APOD: variants seen among roughly 807,000 people sequenced by gnomAD.
APOD encodes the protein apo-D.
In APOD, 22 loss-of-function variants were observed where a neutral mutation model predicts 20.4. The ratio of observed to expected loss-of-function variants is 1.08; its 90% CI spans 0.77 to 1.54. APOD has a LOEUF of 1.54. Among genes scored for constraint, APOD ranks in the 40% most tolerant of loss-of-function variants. The pLI is 0.00. For synonymous variants in APOD, 97 were observed against 92.4 expected (o/e 1.05, Z -0.29); for missense variants, 223 against 229.6 (o/e 0.97, Z 0.19).
rs554960514 is a variant in APOD, at chr3:195,568,832, G to T, written c.*68C>A. ...TCGTGGTTGATTGGTTTGTCTTTAT[G>T]GGGGGGGGGTAGGGGAAAGCGAAGC... On this transcript the variant is annotated 3_prime_UTR_variant, in exon 5 of 5. Transcript: ENST00000343267. The T allele has an allele frequency of 1.6e-5, 14 of 879,726 alleles. No individual in the cohort carries two copies. Among genetic ancestry groups the T allele is most frequent in the South Asian group, 6.2e-5 (4 of 64,498 alleles). 54.5% of individuals were successfully genotyped at this position (879,726 alleles called of 1,614,324 possible).
chr3:195,571,215 C>T (rs756776458), intron 4 of APOD, 62 bp downstream of exon 4: 33 of 1,413,628 alleles, frequency 2.3e-5, no homozygotes, highest in Non-Finnish European at 3.1e-5. Context: ...CAAGCCGGGG[C>T]GCTAGCCTTC....
At chr3:195,573,047 C>G (rs1720192826) in intron 3 of APOD, among the ~76,000 whole-genome samples, 1 of 152,188 alleles carries the variant, frequency 6.6e-6, no homozygotes, top group Non-Finnish European at 1.5e-5. Flanking sequence ...TCTCAGACAG[C>G]TGGGGAAGAT....
intron 3 of APOD, among the ~76,000 whole-genome samples, chr3:195,572,390 A>C (rs1294153540): frequency 6.6e-6 from 1 of 152,252 alleles, no homozygotes; most frequent in Admixed American, 6.5e-5. Context: ...GAAGAAATGC[A>C]TATCTCACAA....
rs759829230 is a variant in APOD, at chr3:195,579,345, C to G, written c.117G>C (p.Val39=). The change falls in exon 2 of 5, where the codon GTG becomes GTC. Residue 39 remains valine (V), a synonymous_variant. Coordinates refer to ENST00000343267, the MANE Select transcript of APOD (RefSeq NM_001647.4). ...CGGGAGGTTCGCCTTTTACCTTATT[C>G]ACGTCAAAATTCTCCTGCACCGGAG... ...PNPPVQENFD[V]NKYLGRWYEI... is the part of the protein sequence containing the mutation. The G allele has an allele frequency of 1.2e-6, 2 of 1,614,218 alleles. No homozygotes were observed. Among genetic ancestry groups the G allele is most frequent in the Non-Finnish European group, 8.5e-7 (1 of 1,180,034 alleles).
At chr3:195,583,015 C>T (rs1018033241) in intron 1 of APOD, 1 of 152,136 alleles carries the variant, frequency 6.6e-6, no homozygotes, top group African/African-American at 2.4e-5. Context: ...AGTGCATCCA[C>T]CTTGGGCCTG....
chr3:195,571,305 AG>A lies in APOD; in HGVS notation c.305del (p.Pro102LeufsTer62). On this transcript the variant is annotated frameshift_variant, in exon 4 of 5. Coordinates refer to ENST00000343267, the MANE Select transcript of APOD (RefSeq NM_001647.4). LOFTEE classifies it high-confidence loss of function. ...AGGAAAACTTAACTTCCAGCTTGGC[AG>A]GCTCTGTGAGGTTAACTGGGGTGGC... ...GEATPVNLTE[P>X]AKLEVKFSWF... The A allele has an allele frequency of 6.2e-7, 1 of 1,613,936 alleles. No homozygotes were observed. Among genetic ancestry groups the A allele is most frequent in the South Asian group, 1.1e-5 (1 of 91,064 alleles).
intron 4 of APOD, among the ~76,000 whole-genome samples, chr3:195,570,326 A>G (rs1056188861): frequency 6.6e-6 from 1 of 152,198 alleles, no homozygotes; most frequent in Non-Finnish European, 1.5e-5. Context: ...AAAAATAACA[A>G]GAGAAACTGT....
In APOD at chr3:195,578,033, G is replaced by A. The variant is rs570616766; in HGVS notation, c.123+1306C>T. ...TACTAACAACAATGGAAAGTGAAAA[G>A]CTACTTTAAACAAGTGAATTACGTG... On this transcript the variant is annotated intron_variant, in intron 2 of 4. Transcript: ENST00000343267. Among the ~76,000 whole-genome samples, 5 of 152,282 alleles carry A rather than the reference G, an allele frequency of 3.3e-5. No homozygotes were observed. The South Asian group carries it at 1.0e-3, about 32-fold the overall frequency.
At position 195,568,717 on chromosome 3, in the gene APOD, G is replaced by T; in HGVS notation, c.*183C>A. 1 of 602,634 alleles carries T rather than the reference G, an allele frequency of 1.7e-6. No homozygotes were observed. The highest frequency in any genetic ancestry group is 3.0e-6 in the Non-Finnish European group (1 of 337,722). 37.3% of individuals were successfully genotyped at this position (602,634 alleles called of 1,614,324 possible). A position where few individuals can be genotyped will look rare whatever the true frequency, so the allele number is the denominator to read the frequency against. ...TAATTAATCCAACTTGGAATCTACT[G>T]CGAGCACAGCAGGTCAGCAACAAGT... On this transcript the variant is annotated 3_prime_UTR_variant, in exon 5 of 5. Transcript: ENST00000343267.
intron 4 of APOD, among the ~76,000 whole-genome samples, chr3:195,570,228 C>A (rs1211592224): frequency 6.6e-6 from 1 of 152,158 alleles, no homozygotes; most frequent in Non-Finnish European, 1.5e-5. Flanking sequence ...AGTTTGGAGA[C>A]CTAGGTTTAG....
rs567757573 is a variant in APOD, at chr3:195,577,471, G to T, written c.123+1868C>A. On this transcript the variant is annotated intron_variant, in intron 2 of 4. Transcript: ENST00000343267. ...TCCAATTGGATTATTTGCAGAAATTGACACGCTGATCCTAAAATTCATATA... is the reference window on the plus strand; with the variant it reads ...TCCAATTGGATTATTTGCAGAAATTTACACGCTGATCCTAAAATTCATATA... Among the ~76,000 whole-genome samples the T allele has an allele frequency of 5.3e-5, 8 of 152,280 alleles. No homozygotes were observed. The South Asian group carries it at 1.7e-3, about 32-fold the overall frequency.
intron 1 of APOD, 98 bp from the exon 2 acceptor site, chr3:195,579,593 C>T (rs538669552): frequency 4.5e-6 from 6 of 1,321,464 alleles, no homozygotes; most frequent in Non-Finnish European, 6.2e-6. Context: ...CCTCTGTGGG[C>T]GGTCCCTCCT....
chr3:195,573,614 T>G (rs1347639470), intron 3 of APOD, among the ~76,000 whole-genome samples: 1 of 152,270 alleles, frequency 6.6e-6, no homozygotes. Context: ...GTATCTATTT[T>G]GCAGTGAGTG....
At chr3:195,579,562 A>C in intron 1 of APOD, 67 bp from the exon 2 acceptor site, 1 of 1,528,174 alleles carries the variant, frequency 6.5e-7, no homozygotes, top group Non-Finnish European at 8.8e-7. Flanking sequence ...TCATGAAGTA[A>C]GAGTGCTGTG....
chr3:195,577,892 G>T (rs1720272203), intron 2 of APOD, among the ~76,000 whole-genome samples: 2 of 152,220 alleles, frequency 1.3e-5, no homozygotes, highest in African/African-American at 4.8e-5. Flanking sequence ...GTTGCCTGGG[G>T]CTGGAAGGGT....
Position 195,568,815 on chromosome 3 carries a change from G to T in APOD, c.*85C>A. 1.1e-6 allele frequency: 1 copy of T among 879,860 alleles called. No homozygotes were observed. The highest frequency in any genetic ancestry group is 1.8e-6 in the Non-Finnish European group (1 of 548,810). 54.5% of individuals were successfully genotyped at this position (879,860 alleles called of 1,614,324 possible). On this transcript the variant is annotated 3_prime_UTR_variant, in exon 5 of 5. Coordinates refer to ENST00000343267, the MANE Select transcript of APOD (RefSeq NM_001647.4). ...CAGGTCAACTTCCTTTGTCGTGGTT[G>T]ATTGGTTTGTCTTTATGGGGGGGGG...
intron 2 of APOD, among the ~76,000 whole-genome samples, chr3:195,578,746 C>A (rs62287731): frequency 0.062 from 9,444 of 152,252 alleles, 439 homozygotes; most frequent in East Asian, 0.19. Context: ...GGTTTTGAAT[C>A]CTACTTGCAT....
chr3:195,581,419 C>T (rs1720336793), intron 1 of APOD, among the ~76,000 whole-genome samples: 1 of 152,218 alleles, frequency 6.6e-6, no homozygotes, highest in Non-Finnish European at 1.5e-5. Context: ...TTGAATTCTA[C>T]TTAGTAGGCC....
Position 195,569,888 on chromosome 3 carries a change from C to G in APOD, c.335-753G>C, listed in dbSNP as rs193241924. Among the ~76,000 whole-genome samples, 741 of 150,002 alleles carry G rather than the reference C, an allele frequency of 4.9e-3. 8 individuals carry two copies. Among genetic ancestry groups the G allele is most frequent in the African/African-American group, 0.017 (672 of 40,506 alleles). On this transcript the variant is annotated intron_variant, in intron 4 of 4. Transcript: ENST00000343267. ...GATCTCAGCTCACTGCAACCTCCAC[C>G]TCCTGGGTTCAAGCGATTCTCCTGC... is the stretch of plus-strand genomic sequence containing the variant.
Sources: allele counts gnomAD v4.1 joint callset (sites outside exome capture counted in the v4.1 genomes callset), GRCh38; gene constraint gnomAD v4.1.1; transcripts MANE v1.5; gene names NCBI Gene and HGNC (gene_info 2026-07-23, HGNC 2026-07-21).